PIK3R6: variants seen among roughly 807,000 people sequenced by gnomAD.
The protein encoded by PIK3R6 is phosphoinositide-3-kinase regulatory subunit 6.
A neutral mutation model predicts 84.9 loss-of-function variants in PIK3R6; 91 were observed. That is an observed-to-expected ratio of 1.07 (90% CI 0.90 to 1.28). PIK3R6 has a LOEUF of 1.28. Among genes scored for constraint, PIK3R6 ranks in the 50% most tolerant of loss-of-function variants. The pLI is 0.00. For synonymous variants in PIK3R6, 416 were observed against 411.4 expected (o/e 1.01, Z -0.13); for missense variants, 996 against 985.1 (o/e 1.01, Z -0.15).
rs760493715 is a variant in PIK3R6 at position 8,829,671 on chromosome 17, T to C, written c.889+35A>G. On this transcript the variant is annotated intron_variant, in intron 10 of 19. Coordinates refer to ENST00000619866, the MANE Select transcript of PIK3R6 (RefSeq NM_001010855.4). The stretch of plus-strand genomic sequence containing the variant: ...GCATACACACACAGACACAGACATA[T>C]ACCACTGTTTCCAGACAGCTCCATG... 73 of 1,532,714 alleles carry C rather than the reference T, an allele frequency of 4.8e-5. 2 individuals carry two copies. The South Asian group carries it at 7.9e-4, about 17-fold the overall frequency. The allele number at this position is 1,532,714 out of a possible 1,614,324, so 94.9% of individuals were successfully genotyped here. A position where few individuals can be genotyped will look rare whatever the true frequency, so the allele number is the denominator to read the frequency against.
intron 5 of PIK3R6, 69 bp from the exon 6 acceptor site, chr17:8,836,992 A>T: frequency 1.4e-6 from 1 of 704,992 alleles, no homozygotes; most frequent in Non-Finnish European, 2.2e-6. Context: ...GGGGAGGTGA[A>T]GGGTCCCGGG....
intron 13 of PIK3R6, 65 bp downstream of exon 13, chr17:8,827,107 C>A: frequency 6.4e-7 from 1 of 1,558,034 alleles, no homozygotes. Flanking sequence ...CTCCTCCGTT[C>A]TCCCCTCTGC....
At chr17:8,832,806 C>G in intron 9 of PIK3R6, 83 bp downstream of exon 9, 1 of 1,588,480 alleles carries the variant, frequency 6.3e-7, no homozygotes. Flanking sequence ...GCAGGTCCAG[C>G]GCTGCTCTCT....
intron 18 of PIK3R6, among the ~76,000 whole-genome samples, chr17:8,811,272 A>G (rs1045784907): frequency 6.7e-6 from 1 of 148,492 alleles, no homozygotes; most frequent in African/African-American, 2.5e-5. Context: ...GGCTGCACAC[A>G]GCACGGGTAC....
chr17:8,859,254 C>T (rs2089214700), intron 1 of PIK3R6, among the ~76,000 whole-genome samples: 1 of 151,988 alleles, frequency 6.6e-6, no homozygotes, highest in East Asian at 1.9e-4. Context: ...AGAAATTGCA[C>T]AAGACCTGAG....
At position 8,803,609 on chromosome 17, in the gene PIK3R6, T is replaced by C; in HGVS notation, c.2109-180A>G. Reference sequence around the variant, plus strand: ...AGAAAGAAAAACCTGGGCCTGGGGTTCACCGGGAGAGGAGACACTTGGAGC... The same window carrying C: ...AGAAAGAAAAACCTGGGCCTGGGGTCCACCGGGAGAGGAGACACTTGGAGC... On this transcript the variant is annotated intron_variant, in intron 19 of 19. Transcript: ENST00000619866. This position sits in a 1 kb window ranked among gnomAD's most constrained non-coding sequence, Gnocchi z 5.0. 1 of 626,322 alleles carries C rather than the reference T, an allele frequency of 1.6e-6. No homozygotes were observed. The highest frequency in any genetic ancestry group is 2.7e-6 in the Non-Finnish European group (1 of 375,290). 38.8% of individuals were successfully genotyped at this position (626,322 alleles called of 1,614,324 possible).
chr17:8,857,082 C>T (rs2089159674), intron 1 of PIK3R6, among the ~76,000 whole-genome samples: 1 of 143,518 alleles, frequency 7.0e-6, no homozygotes, highest in Non-Finnish European at 1.5e-5. Flanking sequence ...ACATCCTGTC[C>T]AAAATAGCCC....
intron 4 of PIK3R6, chr17:8,838,321 G>A (rs567692790): frequency 3.7e-5 from 18 of 487,628 alleles, no homozygotes; most frequent in African/African-American, 3.3e-4. Context: ...AGTGATGCGG[G>A]TTTTCCATTT....
At chr17:8,856,469 GC>G (rs907487559) in intron 1 of PIK3R6, among the ~76,000 whole-genome samples, 3 of 152,200 alleles carry the variant, frequency 2.0e-5, no homozygotes, top group African/African-American at 7.2e-5. Flanking sequence ...AGGCATGGTG[GC>G]AGGTGCCTGT....
intron 9 of PIK3R6, among the ~76,000 whole-genome samples, chr17:8,830,948 C>A (rs2088211707): frequency 6.6e-6 from 1 of 151,682 alleles, no homozygotes. Flanking sequence ...TCGCAACCAT[C>A]CTGGCTAACA....
intron 5 of PIK3R6, among the ~76,000 whole-genome samples, chr17:8,837,461 C>CG (rs2088516492): frequency 6.6e-6 from 1 of 152,188 alleles, no homozygotes; most frequent in African/African-American, 2.4e-5. Flanking sequence ...CTCCCACCCG[C>CG]TGCAACAACA....
chr17:8,850,707 A>C (rs889715578), intron 1 of PIK3R6, among the ~76,000 whole-genome samples: 5 of 152,262 alleles, frequency 3.3e-5, no homozygotes, highest in African/African-American at 1.2e-4. Context: ...AGAGAAAACA[A>C]GCGAACAAAC....
chr17:8,866,010 C>T (rs17206206), intron 1 of PIK3R6, among the ~76,000 whole-genome samples: 20,502 of 152,050 alleles, frequency 0.13, 1,829 homozygotes, highest in Non-Finnish European at 0.18. Context: ...TCAGCCGAGG[C>T]GCTTTCGTGG....
At chr17:8,819,687 T>TACAC (rs1171970503) in intron 17 of PIK3R6, among the ~76,000 whole-genome samples, 1 of 140,860 alleles carries the variant, frequency 7.1e-6, no homozygotes, top group Non-Finnish European at 1.5e-5. Context: ...TATATATATA[T>TACAC]ATACACACAC....
At position 8,848,267 on chromosome 17, in the gene PIK3R6, A is replaced by G. The variant is rs141830217; in HGVS notation, c.13+1515T>C. 3.4e-3 allele frequency among the ~76,000 whole-genome samples: 516 copies of G among 152,308 alleles called. 3 individuals carry two copies. The highest frequency in any genetic ancestry group is 0.011 in the African/African-American group (463 of 41,578). ...CCACATCAGTTTCTATTGCTTATATATAATAAACCTTTATTGGTGCACCTC... is the reference window on the plus strand; with the variant it reads ...CCACATCAGTTTCTATTGCTTATATGTAATAAACCTTTATTGGTGCACCTC... On this transcript the variant is annotated intron_variant, in intron 2 of 19. Coordinates refer to ENST00000619866, the MANE Select transcript of PIK3R6 (RefSeq NM_001010855.4).
At chr17:8,841,697 A>G (rs1019756729) in intron 2 of PIK3R6, among the ~76,000 whole-genome samples, 2 of 150,276 alleles carry the variant, frequency 1.3e-5, no homozygotes, top group Non-Finnish European at 2.9e-5. Context: ...GTACGTTGAC[A>G]TGGGAAAAAA....
At chr17:8,830,865 C>T (rs989412446) in intron 9 of PIK3R6, among the ~76,000 whole-genome samples, 5 of 152,108 alleles carry the variant, frequency 3.3e-5, no homozygotes, top group African/African-American at 4.8e-5. Flanking sequence ...AGGGCTTGGC[C>T]GGGCACGGTG....
intron 18 of PIK3R6, among the ~76,000 whole-genome samples, chr17:8,813,621 G>A (rs1032406111): frequency 9.2e-5 from 14 of 152,146 alleles, no homozygotes; most frequent in African/African-American, 3.4e-4. Context: ...ATCAATAAAT[G>A]TGACTCACCA....
At chr17:8,809,161 A>C (rs759753829) in intron 18 of PIK3R6, among the ~76,000 whole-genome samples, 13 of 152,178 alleles carry the variant, frequency 8.5e-5, no homozygotes, top group African/African-American at 1.4e-4. Context: ...CAGTCTTCTT[A>C]AAGAAAAAAA....
Sources: allele counts gnomAD v4.1 joint callset (sites outside exome capture counted in the v4.1 genomes callset), GRCh38; gene constraint gnomAD v4.1.1; non-coding constraint Gnocchi (gnomAD v3.1); transcripts MANE v1.5; gene names NCBI Gene and HGNC (gene_info 2026-07-23, HGNC 2026-07-21).